The following SPDYE18 variants were observed in gnomAD, a reference collection of about 807,000 sequenced individuals.
The protein encoded by SPDYE18 is speedy/RINGO cell cycle regulator family member E18, also known as speedy protein E18.
A neutral mutation model predicts 44.9 loss-of-function variants in SPDYE18; 6 were observed. The ratio of observed to expected loss-of-function variants is 0.13; its 90% CI spans 0.07 to 0.26. The LOEUF (loss-of-function observed/expected upper bound fraction) is 0.26. SPDYE18 is among the 10% of genes least tolerant of loss of function. The pLI is 1.00. For synonymous variants in SPDYE18, 35 were observed against 177.1 expected (o/e 0.20, Z 6.37); for missense variants, 121 against 463.2 (o/e 0.26, Z 6.78).
rs965422923 is a variant in SPDYE18, at chr7:77,059,101, T to C, written c.379+79A>G. ...ACCCACTGGGGGCGTATCTTTCCCA[T>C]TGTAAAAGTGTGGTTATTGGAAGTT... On this transcript the variant is annotated intron_variant, in intron 3 of 8. Coordinates refer to ENST00000510091, the MANE Select transcript of SPDYE18 (RefSeq NM_001394953.1). 3.2e-6 allele frequency: 5 copies of C among 1,584,350 alleles called. 1 individual carries two copies. The highest frequency in any genetic ancestry group is 2.7e-5 in the African/African-American group (2 of 74,258).
intron 1 of SPDYE18, among the ~76,000 whole-genome samples, chr7:77,062,293 C>T (rs1025299588): frequency 2.7e-5 from 4 of 146,348 alleles, no homozygotes; most frequent in Admixed American, 1.4e-4. Flanking sequence ...AGTTCAAATT[C>T]GCATTCATGA....
chr7:77,062,187 T>C (rs1790029782), intron 1 of SPDYE18, among the ~76,000 whole-genome samples: 1 of 143,790 alleles, frequency 7.0e-6, no homozygotes, highest in Non-Finnish European at 1.5e-5. Flanking sequence ...GCTGCTTTCC[T>C]AGGAGTCTCT....
At position 77,051,826 on chromosome 7, in the gene SPDYE18, A is replaced by AG. The variant is rs1250209561; in HGVS notation, c.*98dup. 6.6e-6 allele frequency among the ~76,000 whole-genome samples: 1 copy of AG among 151,930 alleles called. No individual in the cohort carries two copies. The highest frequency in any genetic ancestry group is 1.9e-4 in the East Asian group (1 of 5,186). On this transcript the variant is annotated 3_prime_UTR_variant, in exon 9 of 9. Coordinates refer to ENST00000510091, the MANE Select transcript of SPDYE18 (RefSeq NM_001394953.1). ...CTCCTCTTTCCTGTTGTCTGCCATT[A>AG]GCATTGGAATAAAGTTCCTGCTGAA... is the stretch of plus-strand genomic sequence containing the variant.
intron 2 of SPDYE18, among the ~76,000 whole-genome samples, chr7:77,059,881 C>T (rs1401061357): frequency 6.8e-6 from 1 of 148,116 alleles, no homozygotes; most frequent in Non-Finnish European, 1.5e-5. Context: ...AACTCCTGGC[C>T]TCAAGTGATC....
rs1201211323 is a variant in SPDYE18, at chr7:77,050,624, T to C, written c.*1301A>G. On this transcript the variant is annotated 3_prime_UTR_variant, in exon 9 of 9. Coordinates refer to ENST00000510091, the MANE Select transcript of SPDYE18 (RefSeq NM_001394953.1). The stretch of plus-strand genomic sequence containing the variant: ...TATTTTTACAAGAATTTAGGGGAAC[T>C]ACTACATAGCTATAAATGTAATATA... Among the ~76,000 whole-genome samples the C allele has an allele frequency of 3.9e-5, 6 of 152,120 alleles. No homozygotes were observed. Among genetic ancestry groups the C allele is most frequent in the Non-Finnish European group, 7.4e-5 (5 of 68,016 alleles).
chr7:77,060,306 C>T lies in SPDYE18; in HGVS notation c.160+47G>A, dbSNP rs922505039. On this transcript the variant is annotated intron_variant, in intron 2 of 8. Coordinates refer to ENST00000510091, the MANE Select transcript of SPDYE18 (RefSeq NM_001394953.1). ...GCCACCGCACCCGGCCCCCTTCCTT[C>T]GTCTTAGTCAACCCTATCCCACCTC... The T allele has an allele frequency of 8.3e-5, 127 of 1,534,160 alleles. No homozygotes were observed. In the African/African-American group the frequency reaches 1.3e-3, roughly 16 times the overall value.
rs1418275561 is a variant in SPDYE18 at position 77,050,846 on chromosome 7, A to C, written c.*1079T>G. 6.6e-6 allele frequency among the ~76,000 whole-genome samples: 1 copy of C among 150,934 alleles called. No homozygotes were observed. The highest frequency in any genetic ancestry group is 1.5e-5 in the Non-Finnish European group (1 of 67,762). On this transcript the variant is annotated 3_prime_UTR_variant, in exon 9 of 9. Coordinates refer to ENST00000510091, the MANE Select transcript of SPDYE18 (RefSeq NM_001394953.1). ...TTATAGAAACAGCATCTATTCAAAAATACCAGTATTTCCAAAATATTTAAA... is the reference window on the plus strand; with the variant it reads ...TTATAGAAACAGCATCTATTCAAAACTACCAGTATTTCCAAAATATTTAAA...
At position 77,051,732 on chromosome 7, in the gene SPDYE18, G is replaced by A. The variant is rs868303790; in HGVS notation, c.*193C>T. On this transcript the variant is annotated 3_prime_UTR_variant, in exon 9 of 9. Coordinates refer to ENST00000510091, the MANE Select transcript of SPDYE18 (RefSeq NM_001394953.1). ...CCACCCCTGCTCCCAGGAGGACAAC[G>A]TGATCACTGTATTCAGCTCCATCAA... Among the ~76,000 whole-genome samples the A allele has an allele frequency of 5.3e-3, 721 of 135,198 alleles. No homozygotes were observed. Among genetic ancestry groups the A allele is most frequent in the African/African-American group, 0.018 (657 of 35,956 alleles). 88.7% of individuals were successfully genotyped at this position (135,198 alleles called of 152,430 possible).
At chr7:77,057,343 C>A (rs1233873590) in intron 4 of SPDYE18, among the ~76,000 whole-genome samples, 4 of 151,906 alleles carry the variant, frequency 2.6e-5, no homozygotes, top group Non-Finnish European at 4.4e-5. Context: ...CCTCAAAGTC[C>A]TGAGTTCAAG....
intron 8 of SPDYE18, among the ~76,000 whole-genome samples, 132 bp from the exon 9 acceptor site, chr7:77,052,011 A>G (rs376458385): frequency 1.6e-4 from 23 of 140,216 alleles, no homozygotes; most frequent in African/African-American, 4.9e-4. Context: ...CTTTCATTCT[A>G]TACCCTGCTT....
At chr7:77,055,751 C>T (rs1441393696) in intron 5 of SPDYE18, among the ~76,000 whole-genome samples, 2 of 101,800 alleles carry the variant, frequency 2.0e-5, no homozygotes, top group African/African-American at 4.4e-5. Flanking sequence ...CTGCAAGAGA[C>T]CAGCAGAATC....
At chr7:77,051,982 A>G (rs374880504) in intron 8 of SPDYE18, among the ~76,000 whole-genome samples, 103 bp from the exon 9 acceptor site, 2 of 144,280 alleles carry the variant, frequency 1.4e-5, no homozygotes, top group African/African-American at 2.5e-5. Context: ...CAATTGAGAA[A>G]TGCAATTTTA....
rs1789788236 is a variant in SPDYE18 at position 77,051,218 on chromosome 7, GAAAC to G, written c.*703_*706del. ...CTTCAGGAGCACATATAATAATACA[GAAAC>G]AAATTTAAAGATAATAAAATATTTA... On this transcript the variant is annotated 3_prime_UTR_variant, in exon 9 of 9. Transcript: ENST00000510091. 6.6e-6 allele frequency among the ~76,000 whole-genome samples: 1 copy of G among 152,078 alleles called. No individual in the cohort carries two copies. The highest frequency in any genetic ancestry group is 2.4e-5 in the African/African-American group (1 of 41,466).
intron 4 of SPDYE18, 71 bp from the exon 5 acceptor site, chr7:77,056,679 G>C (rs1305239378): frequency 1.5e-6 from 2 of 1,312,170 alleles, no homozygotes; most frequent in African/African-American, 2.9e-5. Context: ...GGGCAGCGAG[G>C]AGAAGTGTGC....
intron 2 of SPDYE18, among the ~76,000 whole-genome samples, chr7:77,060,031 T>C (rs1220997598): frequency 6.9e-6 from 1 of 144,868 alleles, no homozygotes; most frequent in Non-Finnish European, 1.5e-5. Context: ...TTCTTTTCTT[T>C]TTTTTTTTTT....
rs4092151 is a variant in SPDYE18, at chr7:77,051,252, A to G, written c.*673T>C. 1.7e-3 allele frequency among the ~76,000 whole-genome samples: 255 copies of G among 152,322 alleles called. No individual in the cohort carries two copies. The highest frequency in any genetic ancestry group is 5.9e-3 in the African/African-American group (245 of 41,580). ...TTAAAGATAATAAAATATTTAGGATAAAAAGAATTGTCTCTTAAAAATGAA... is the reference window on the plus strand; with the variant it reads ...TTAAAGATAATAAAATATTTAGGATGAAAAGAATTGTCTCTTAAAAATGAA... On this transcript the variant is annotated 3_prime_UTR_variant, in exon 9 of 9. Coordinates refer to ENST00000510091, the MANE Select transcript of SPDYE18 (RefSeq NM_001394953.1).
intron 1 of SPDYE18, among the ~76,000 whole-genome samples, 80 bp from the exon 2 acceptor site, chr7:77,061,013 T>TACAAGAGTGAGATTATCAC (rs1790013285): frequency 9.1e-6 from 1 of 109,436 alleles, no homozygotes; most frequent in African/African-American, 3.5e-5. Context: ...GAGATTATCA[T>TACAAGAGTGAGATTATCAC]GTACAAGAGT....
intron 2 of SPDYE18, among the ~76,000 whole-genome samples, chr7:77,059,639 GTCCC>G (rs961579835): frequency 1.3e-5 from 2 of 151,330 alleles, no homozygotes; most frequent in African/African-American, 4.8e-5. Context: ...GGCTCTCTGA[GTCCC>G]TCCTTTTTTG....
In SPDYE18 at chr7:77,050,459, T is replaced by G. The variant is rs1789767440; in HGVS notation, c.*1466A>C. Reference sequence around the variant, plus strand: ...TTCCACAAGAGACGCACTCTATTGTTCTCTTGAAAACACACAGCTCATGTC... The same window carrying G: ...TTCCACAAGAGACGCACTCTATTGTGCTCTTGAAAACACACAGCTCATGTC... On this transcript the variant is annotated 3_prime_UTR_variant, in exon 9 of 9. Coordinates refer to ENST00000510091, the MANE Select transcript of SPDYE18 (RefSeq NM_001394953.1). Among the ~76,000 whole-genome samples, 1 of 152,242 alleles carries G rather than the reference T, an allele frequency of 6.6e-6. No individual in the cohort carries two copies. Among genetic ancestry groups the G allele is most frequent in the South Asian group, 2.1e-4 (1 of 4,834 alleles).
Sources: allele counts gnomAD v4.1 joint callset (sites outside exome capture counted in the v4.1 genomes callset), GRCh38; gene constraint gnomAD v4.1.1; transcripts MANE v1.5; gene names NCBI Gene and HGNC (gene_info 2026-07-23, HGNC 2026-07-21).